Variants in TBC1D21 observed in about 807,000 individuals in gnomAD.
TBC1D21 encodes the protein TBC1 domain family member 21, also known as male germ cell Rab GTPase-activating protein.
Under a neutral mutation model 46.0 loss-of-function variants are expected in TBC1D21, and 38 were observed. The observed-to-expected ratio is 0.83, with a 90% CI of 0.64 to 1.08. The LOEUF (loss-of-function observed/expected upper bound fraction) is 1.08. Among genes scored for constraint, TBC1D21 ranks in the 50% least tolerant of loss-of-function variants. The probability of loss-of-function intolerance (pLI) is 0.00; values close to 1 mark genes in which losing one functional copy is unlikely to be tolerated. For missense variants in TBC1D21, 415 were observed against 417.9 expected, an observed-to-expected ratio of 0.99 and a Z score of 0.06; for synonymous variants, 151 against 157.2, an observed-to-expected ratio of 0.96 and a Z score of 0.29.
At chr15:73,884,752 C>A (rs2068212100) in intron 4 of TBC1D21, 29 bp from the exon 5 acceptor site, 3 of 1,540,116 alleles carry the variant, frequency 1.9e-6, no homozygotes, top group Non-Finnish European at 2.7e-6. Context: ...GATCTGGTGC[C>A]ACCTACTTGC....
At chr15:73,887,823 G>A (rs1483256675) in intron 9 of TBC1D21, 87 bp downstream of exon 9, 9 of 1,148,472 alleles carry the variant, frequency 7.8e-6, no homozygotes, top group Non-Finnish European at 1.0e-5. Flanking sequence ...CGGGGTTCAT[G>A]GGGTGCTGGG....
intron 1 of TBC1D21, among the ~76,000 whole-genome samples, chr15:73,880,962 T>C (rs1212531836): frequency 1.3e-5 from 2 of 152,182 alleles, no homozygotes; most frequent in Admixed American, 1.3e-4. Context: ...ACGGACACAA[T>C]ACATAGGTAT....
downstream of TBC1D21, among the ~76,000 whole-genome samples, chr15:73,889,853 C>G (rs985445051): frequency 6.6e-6 from 1 of 152,270 alleles, no homozygotes; most frequent in Non-Finnish European, 1.5e-5. Context: ...CCTGCTCCCC[C>G]AGGCTGTGCC....
At chr15:73,906,699 C>G in the TBC1D21 span, among the ~76,000 whole-genome samples, 2 of 152,152 alleles carry the variant, frequency 1.3e-5, no homozygotes, top group Non-Finnish European at 2.9e-5. Context: ...GCTTTCCTGA[C>G]CCAGGAGGAG....
chr15:73,885,765 T>G (rs1233148421), intron 6 of TBC1D21, among the ~76,000 whole-genome samples: 2 of 151,592 alleles, frequency 1.3e-5, no homozygotes, highest in African/African-American at 4.8e-5. Flanking sequence ...ACTGGGCAAC[T>G]GGGCTCACTA....
chr15:73,883,289 A>G (rs1212279924), intron 3 of TBC1D21, among the ~76,000 whole-genome samples: 1 of 152,230 alleles, frequency 6.6e-6, no homozygotes. Context: ...ACAAGAGCCC[A>G]CCTGTGTTCA....
the TBC1D21 span, among the ~76,000 whole-genome samples, chr15:73,909,454 G>T: frequency 2.0e-5 from 3 of 152,154 alleles, no homozygotes; most frequent in African/African-American, 7.2e-5. Flanking sequence ...CTGTTGTGGT[G>T]GTTGTTGCCC....
the TBC1D21 span, among the ~76,000 whole-genome samples, chr15:73,909,485 G>A: frequency 1.6e-4 from 24 of 152,310 alleles, no homozygotes; most frequent in South Asian, 4.8e-3. Flanking sequence ...CTTCACGAGA[G>A]ATGAAGGACA....
chr15:73,902,383 C>T, the TBC1D21 span, among the ~76,000 whole-genome samples: 1 of 152,186 alleles, frequency 6.6e-6, no homozygotes, highest in Non-Finnish European at 1.5e-5. Flanking sequence ...GTCAGTGAGC[C>T]CTATCGGCCT....
chr15:73,879,897 G>GTTT (rs2068123968), intron 1 of TBC1D21, among the ~76,000 whole-genome samples: 1 of 151,714 alleles, frequency 6.6e-6, no homozygotes, highest in African/African-American at 2.4e-5. Flanking sequence ...TGTTGTTGTT[G>GTTT]TTGTTGTTAG....
intron 1 of TBC1D21, among the ~76,000 whole-genome samples, chr15:73,879,497 C>T (rs762724762): frequency 1.3e-5 from 2 of 152,072 alleles, no homozygotes; most frequent in Admixed American, 6.5e-5. Context: ...GGATTACAGG[C>T]GTGAGCCACC....
downstream of TBC1D21, among the ~76,000 whole-genome samples, chr15:73,891,235 G>T (rs1367491158): frequency 6.6e-6 from 1 of 152,180 alleles, no homozygotes; most frequent in African/African-American, 2.4e-5. Context: ...GCCCAGTGTT[G>T]TTTTTCTCTA....
At chr15:73,887,555 C>G in intron 8 of TBC1D21, 65 bp from the exon 9 acceptor site, 1 of 1,452,272 alleles carries the variant, frequency 6.9e-7, no homozygotes, top group South Asian at 1.1e-5. Flanking sequence ...GTGGGTACCT[C>G]ACCATCCTCA....
intron 8 of TBC1D21, among the ~76,000 whole-genome samples, chr15:73,887,310 G>A (rs573379742): frequency 1.3e-5 from 2 of 152,044 alleles, no homozygotes; most frequent in Non-Finnish European, 2.9e-5. Flanking sequence ...ACTCAAATTC[G>A]ACAGTTTCCT....
intron 1 of TBC1D21, among the ~76,000 whole-genome samples, chr15:73,874,187 T>C (rs2068019022): frequency 6.6e-6 from 1 of 152,168 alleles, no homozygotes; most frequent in Non-Finnish European, 1.5e-5. Context: ...GTCATAAAAA[T>C]TTTCCACACG....
chr15:73,888,567 C>CTCCTCCTCCTCT lies in TBC1D21; in HGVS notation c.978+65_978+66insTTCCTCCTCCTC, dbSNP rs1675927100. On this transcript the variant is annotated intron_variant, in intron 10 of 10. Coordinates refer to ENST00000300504, the MANE Select transcript of TBC1D21 (RefSeq NM_153356.3). Reference sequence around the variant, plus strand: ...CCTCCTCTTCCTCCTCCTCCTCTTCCTCCTCCTCCTCCTCTTCCTCCTCCT... The same window carrying CTCCTCCTCCTCT: ...CCTCCTCTTCCTCCTCCTCCTCTTCCTCCTCCTCCTCTTCCTCCTCCTCCTCTTCCTCCTCCT... 3.0e-6 allele frequency: 3 copies of CTCCTCCTCCTCT among 987,092 alleles called. No individual in the cohort carries two copies. In the African/African-American group the frequency reaches 7.6e-5, roughly 25 times the overall value. 61.1% of individuals were successfully genotyped at this position (987,092 alleles called of 1,614,324 possible). A position where few individuals can be genotyped will look rare whatever the true frequency, so the allele number is the denominator to read the frequency against.
At chr15:73,895,783 G>C in the TBC1D21 span, among the ~76,000 whole-genome samples, 4 of 152,218 alleles carry the variant, frequency 2.6e-5, no homozygotes, top group Admixed American at 1.3e-4. Context: ...GGAAGGGTCA[G>C]CTCTCAGGTC....
chr15:73,907,681 C>T, the TBC1D21 span, among the ~76,000 whole-genome samples: 1 of 152,220 alleles, frequency 6.6e-6, no homozygotes, highest in East Asian at 1.9e-4. Flanking sequence ...TCCATTCCCA[C>T]ATTTTGTAAT....
downstream of TBC1D21, among the ~76,000 whole-genome samples, chr15:73,890,518 C>G (rs895146787): frequency 1.1e-4 from 16 of 152,150 alleles, no homozygotes; most frequent in African/African-American, 3.9e-4. Context: ...GACAGTTCTC[C>G]AAGGATGAAA....
Sources: allele counts gnomAD v4.1 joint callset (sites outside exome capture counted in the v4.1 genomes callset), GRCh38; gene constraint gnomAD v4.1.1; transcripts MANE v1.5; gene names NCBI Gene and HGNC (gene_info 2026-07-23, HGNC 2026-07-21).